COL21A1: variants seen among roughly 807,000 people sequenced by gnomAD.
The protein encoded by COL21A1 is collagen alpha-1(XXI) chain.
A neutral mutation model predicts 137.9 loss-of-function variants in COL21A1; 149 were observed. The observed-to-expected ratio is 1.08, with a 90% CI of 0.95 to 1.24. The LOEUF (loss-of-function observed/expected upper bound fraction) is 1.24, where lower values mean the gene tolerates loss of function less well. COL21A1 is among the 50% of genes most tolerant of loss of function. The probability of loss-of-function intolerance (pLI) is 0.00; values close to 1 mark genes in which losing one functional copy is unlikely to be tolerated. For missense variants in COL21A1, 1,167 were observed against 1,158.4 expected (o/e 1.01, Z -0.11); for synonymous variants, 456 against 391.5 (o/e 1.16, Z -1.95).
chr6:56,251,174 C>T (rs1782843693), upstream of COL21A1, among the ~76,000 whole-genome samples: 2 of 152,144 alleles, frequency 1.3e-5, no homozygotes. Context: ...TTAGAAATAC[C>T]TCTATCCTGA....
At chr6:56,168,936 T>G (rs1188468024) in intron 5 of COL21A1, among the ~76,000 whole-genome samples, 2 of 151,956 alleles carry the variant, frequency 1.3e-5, no homozygotes, top group Non-Finnish European at 2.9e-5. Context: ...TAATACTAGG[T>G]AGAATAATTT....
chr6:56,186,339 T>A (rs1220971455), intron 1 of COL21A1, among the ~76,000 whole-genome samples: 1 of 152,096 alleles, frequency 6.6e-6, no homozygotes, highest in Non-Finnish European at 1.5e-5. Context: ...AAACTAAGAG[T>A]AGGACTTAAC....
At chr6:56,297,115 C>T (rs2152336559) in intron 1 of COL21A1, among the ~76,000 whole-genome samples, 1 of 152,080 alleles carries the variant, frequency 6.6e-6, no homozygotes, top group South Asian at 2.1e-4. Flanking sequence ...TGAGCCCAAA[C>T]ATTTTTTAAT....
At position 56,154,153 on chromosome 6, in the gene COL21A1, C is replaced by A. The variant is rs561409104; in HGVS notation, c.1434+2734G>T. Among the ~76,000 whole-genome samples, 3 of 152,166 alleles carry A rather than the reference C, an allele frequency of 2.0e-5. No homozygotes were observed. In the South Asian group the frequency reaches 6.2e-4, roughly 32 times the overall value. On this transcript the variant is annotated intron_variant, in intron 10 of 29. Coordinates refer to ENST00000244728, the MANE Select transcript of COL21A1 (RefSeq NM_030820.4). Reference sequence around the variant, plus strand: ...GGGTTAGTTACCAAGGGAGTGAATTCTTGATAAAAAGGATGACTGACCCCC... The same window carrying A: ...GGGTTAGTTACCAAGGGAGTGAATTATTGATAAAAAGGATGACTGACCCCC...
chr6:56,276,276 T>C (rs1328882822), intron 1 of COL21A1, among the ~76,000 whole-genome samples: 2 of 152,252 alleles, frequency 1.3e-5, no homozygotes, highest in Non-Finnish European at 1.5e-5. Context: ...CTATACTCAG[T>C]ACTTGGGTGA....
chr6:56,368,059 G>A lies in COL21A1; in HGVS notation c.-39+25912C>T, dbSNP rs552610706. Among the ~76,000 whole-genome samples, 6 of 152,184 alleles carry A rather than the reference G, an allele frequency of 3.9e-5. No individual in the cohort carries two copies. In the South Asian group the frequency reaches 8.3e-4, roughly 21 times the overall value. On this transcript the variant is annotated intron_variant, in intron 1 of 28. Transcript: ENST00000370819. ...ATCATAAACACCCAAAAGCATTTGC[G>A]CACAATCATTTCAATTAAACTACTG...
At chr6:56,232,867 TGAATATTGTCA>T (rs1165654289) in intron 1 of COL21A1, among the ~76,000 whole-genome samples, 1 of 151,912 alleles carries the variant, frequency 6.6e-6, no homozygotes, top group East Asian at 1.9e-4. Context: ...CAGGTGCTTT[TGAATATTGTCA>T]GATTAACACT....
Position 56,179,696 on chromosome 6 carries a change from T to G in COL21A1, c.522A>C (p.Thr174=), listed in dbSNP as rs753300765. The change falls in exon 3 of 30, where the codon ACA becomes ACC. Residue 174 remains threonine, a synonymous_variant. Transcript: ENST00000244728. ...CAATAGCTCTAAGTTCGGCATCTTC[T>G]GTTTCTGAACCAACACCAATAGCAA... ...TLFAIGVGSE[T]EDAELRAIAN... 1.2e-6 allele frequency: 2 copies of G among 1,614,040 alleles called. No homozygotes were observed. Among genetic ancestry groups the G allele is most frequent in the Non-Finnish European group, 1.7e-6 (2 of 1,179,898 alleles).
At chr6:56,168,050 T>C (rs1776726703) in intron 6 of COL21A1, 74 bp downstream of exon 6, 1 of 999,618 alleles carries the variant, frequency 1.0e-6, no homozygotes, top group South Asian at 2.7e-5. Context: ...TGATTAAATG[T>C]GGTGAAAACT....
At chr6:56,121,059 A>C (rs2152206088) in intron 16 of COL21A1, among the ~76,000 whole-genome samples, 1 of 152,338 alleles carries the variant, frequency 6.6e-6, no homozygotes, top group Middle Eastern at 3.4e-3. Flanking sequence ...CATTTGCAAC[A>C]ACATGGATCA....
intron 1 of COL21A1, among the ~76,000 whole-genome samples, chr6:56,354,420 G>A (rs1765785553): frequency 6.6e-6 from 1 of 152,050 alleles, no homozygotes; most frequent in Non-Finnish European, 1.5e-5. Context: ...CATTTATATT[G>A]CTAGGTAAAA....
At chr6:56,063,351 G>A (rs887585962) in intron 24 of COL21A1, among the ~76,000 whole-genome samples, 6 of 152,240 alleles carry the variant, frequency 3.9e-5, no homozygotes, top group African/African-American at 1.4e-4. Flanking sequence ...GGTCTGGGCT[G>A]TAGAGGTTAA....
chr6:56,057,631 T>C lies in COL21A1; in HGVS notation c.*26A>G. ...AAGACCACAGAAAAAGCACCATGCCTAGGCTGCTGAATGAGGCATCAGACA... is the reference window on the plus strand; with the variant it reads ...AAGACCACAGAAAAAGCACCATGCCCAGGCTGCTGAATGAGGCATCAGACA... On this transcript the variant is annotated 3_prime_UTR_variant, in exon 30 of 30. Transcript: ENST00000244728. 6.2e-7 allele frequency: 1 copy of C among 1,609,184 alleles called. No homozygotes were observed. Among genetic ancestry groups the C allele is most frequent in the Non-Finnish European group, 8.5e-7 (1 of 1,177,096 alleles).
Position 56,182,637 on chromosome 6 carries a change from A to G in COL21A1, c.-19T>C. On this transcript the variant is annotated 5_prime_UTR_variant, in exon 2 of 30. Coordinates refer to ENST00000244728, the MANE Select transcript of COL21A1 (RefSeq NM_030820.4). Reference sequence around the variant, plus strand: ...GAGCCATGTTTCTGTTTTCGTTCTAATATTTTGGTTTTAGGATTCCTAGGG... The same window carrying G: ...GAGCCATGTTTCTGTTTTCGTTCTAGTATTTTGGTTTTAGGATTCCTAGGG... 1 of 1,569,308 alleles carries G rather than the reference A, an allele frequency of 6.4e-7. No individual in the cohort carries two copies. Among genetic ancestry groups the G allele is most frequent in the Non-Finnish European group, 8.7e-7 (1 of 1,150,882 alleles).
chr6:56,177,721 G>A (rs1040351161), intron 3 of COL21A1, among the ~76,000 whole-genome samples: 2 of 150,670 alleles, frequency 1.3e-5, no homozygotes, highest in African/African-American at 4.9e-5. Flanking sequence ...GAACCCGGGA[G>A]GCGGAGCTTG....
At chr6:56,366,414 G>A (rs1204940564) in intron 1 of COL21A1, among the ~76,000 whole-genome samples, 1 of 152,138 alleles carries the variant, frequency 6.6e-6, no homozygotes, top group East Asian at 1.9e-4. Context: ...TTGGGATCAT[G>A]TCAATTCTCA....
chr6:56,176,286 T>C (rs1777464253), intron 3 of COL21A1, among the ~76,000 whole-genome samples: 1 of 151,552 alleles, frequency 6.6e-6, no homozygotes, highest in African/African-American at 2.4e-5. Context: ...TACAGCAAAC[T>C]AAAAAGCTTC....
intron 6 of COL21A1, among the ~76,000 whole-genome samples, chr6:56,167,622 C>T (rs548344457): frequency 7.7e-4 from 117 of 152,252 alleles, no homozygotes; most frequent in Non-Finnish European, 1.4e-3. Context: ...AATACAGATA[C>T]TCCAGTTTAA....
At chr6:56,373,330 A>G (rs1581785244) in intron 1 of COL21A1, among the ~76,000 whole-genome samples, 1 of 152,258 alleles carries the variant, frequency 6.6e-6, no homozygotes, top group Non-Finnish European at 1.5e-5. Flanking sequence ...GGCCAGGTGC[A>G]GTGGCTCATG....
Sources: allele counts gnomAD v4.1 joint callset (sites outside exome capture counted in the v4.1 genomes callset), GRCh38; gene constraint gnomAD v4.1.1; transcripts MANE v1.5; gene names NCBI Gene and HGNC (gene_info 2026-07-23, HGNC 2026-07-21).